CACNA2D3: variants seen among roughly 807,000 people sequenced by gnomAD.
The protein encoded by CACNA2D3 is calcium voltage-gated channel auxiliary subunit alpha2delta 3.
Under a neutral mutation model 160.6 loss-of-function variants are expected in CACNA2D3, and 60 were observed. That is an observed-to-expected ratio of 0.37 (90% confidence interval 0.30 to 0.46). The LOEUF (loss-of-function observed/expected upper bound fraction) is 0.46, where lower values mean the gene tolerates loss of function less well. Ranked by LOEUF, CACNA2D3 falls within the 20% of genes least tolerant of loss-of-function variation. The pLI is 1.00. For synonymous variants in CACNA2D3, 558 were observed against 492.9 expected, an observed-to-expected ratio of 1.13 and a Z score of -1.75; for missense variants, 1,205 against 1,365.0, an observed-to-expected ratio of 0.88 and a Z score of 1.85.
chr3:54,259,628 G>A (rs1702367817), intron 2 of CACNA2D3, among the ~76,000 whole-genome samples: 1 of 152,142 alleles, frequency 6.6e-6, no homozygotes, highest in South Asian at 2.1e-4. Flanking sequence ...GGACTCATGA[G>A]GCTCATACCA....
intron 6 of CACNA2D3, among the ~76,000 whole-genome samples, chr3:54,564,844 G>A (rs1702383997): frequency 6.6e-6 from 1 of 152,208 alleles, no homozygotes; most frequent in South Asian, 2.1e-4. Context: ...GCTCCAGCAA[G>A]AAGCACACTT....
At chr3:54,939,510 G>A (rs1701409209) in intron 27 of CACNA2D3, among the ~76,000 whole-genome samples, 1 of 152,230 alleles carries the variant, frequency 6.6e-6, no homozygotes, top group Admixed American at 6.5e-5. Flanking sequence ...CAGGGAGGCA[G>A]GGCCACAGGG....
At chr3:55,024,511 TATAAA>T (rs1432197566) in intron 35 of CACNA2D3, among the ~76,000 whole-genome samples, 1 of 152,090 alleles carries the variant, frequency 6.6e-6, no homozygotes, top group Non-Finnish European at 1.5e-5. Context: ...TTAGTGCCCT[TATAAA>T]ATAAGTTTGA....
chr3:55,045,144 G>A (rs2107196644), intron 35 of CACNA2D3, among the ~76,000 whole-genome samples: 1 of 152,240 alleles, frequency 6.6e-6, no homozygotes, highest in South Asian at 2.1e-4. Flanking sequence ...CGCCTCTCAG[G>A]TTCAAGTGAT....
At chr3:54,337,936 G>A (rs1704424579) in intron 3 of CACNA2D3, among the ~76,000 whole-genome samples, 2 of 152,042 alleles carry the variant, frequency 1.3e-5, no homozygotes, top group Non-Finnish European at 2.9e-5. Context: ...CCCCTTTTTG[G>A]TTATTAAGAC....
rs111948950 is a variant in CACNA2D3 at position 54,217,782 on chromosome 3, A to G, written c.204+94188A>G. Among the ~76,000 whole-genome samples, 328 of 152,240 alleles carry G rather than the reference A, an allele frequency of 2.2e-3. 2 individuals carry two copies. The highest frequency in any genetic ancestry group is 7.5e-3 in the African/African-American group (310 of 41,526). On this transcript the variant is annotated intron_variant, in intron 2 of 37. Coordinates refer to ENST00000474759, the MANE Select transcript of CACNA2D3 (RefSeq NM_018398.3). The stretch of plus-strand genomic sequence containing the variant: ...GCATGGCCCTCAGAACTGGGAGAGA[A>G]TAAGTTTCTGTTGTTTTATGTCAAC...
At chr3:54,371,944 C>T (rs1333748422) in intron 3 of CACNA2D3, among the ~76,000 whole-genome samples, 2 of 152,184 alleles carry the variant, frequency 1.3e-5, no homozygotes, top group African/African-American at 4.8e-5. Flanking sequence ...TATTTGTCTA[C>T]TATAGAAATG....
chr3:54,334,734 G>A (rs976319648), intron 3 of CACNA2D3, among the ~76,000 whole-genome samples: 1 of 152,182 alleles, frequency 6.6e-6, no homozygotes, highest in Admixed American at 6.5e-5. Context: ...GATCAAATGA[G>A]CAAACATGGG....
chr3:54,633,584 C>T (rs181347894), intron 10 of CACNA2D3: 1 of 149,932 alleles, frequency 6.7e-6, no homozygotes, highest in Admixed American at 6.6e-5. Flanking sequence ...CCAGGTTCCT[C>T]ACAGGAAGAG....
intron 10 of CACNA2D3, among the ~76,000 whole-genome samples, chr3:54,633,194 T>C (rs1443602288): frequency 6.6e-6 from 1 of 152,162 alleles, no homozygotes; most frequent in East Asian, 1.9e-4. Flanking sequence ...TTTGGAGCCC[T>C]ACCACCTATC....
intron 27 of CACNA2D3, chr3:54,928,021 T>G: frequency 5.1e-6 from 5 of 984,676 alleles, no homozygotes; most frequent in Non-Finnish European, 8.0e-6. Flanking sequence ...CATTCAGTCT[T>G]TCTGAACCCT....
At chr3:54,594,187 G>C (rs1210636527) in intron 9 of CACNA2D3, among the ~76,000 whole-genome samples, 1 of 152,066 alleles carries the variant, frequency 6.6e-6, no homozygotes. Flanking sequence ...AAATTTTTTT[G>C]TTAAGGGCCT....
chr3:54,402,183 G>T (rs377596491), intron 4 of CACNA2D3, among the ~76,000 whole-genome samples: 9 of 151,942 alleles, frequency 5.9e-5, no homozygotes, highest in Admixed American at 3.9e-4. Flanking sequence ...AAACTTACTA[G>T]ATTACAAAGA....
chr3:54,935,044 G>A (rs894998599), intron 27 of CACNA2D3, among the ~76,000 whole-genome samples: 4 of 152,138 alleles, frequency 2.6e-5, no homozygotes, highest in African/African-American at 9.7e-5. Flanking sequence ...AAGTCTGGAG[G>A]GTGCTATTTA....
intron 11 of CACNA2D3, among the ~76,000 whole-genome samples, chr3:54,674,533 C>T (rs1700207543): frequency 1.3e-5 from 2 of 152,138 alleles, no homozygotes; most frequent in African/African-American, 4.8e-5. Flanking sequence ...GACTGGCCAA[C>T]AGGGTTGTGT....
chr3:54,237,438 T>C (rs1701901297), intron 2 of CACNA2D3, among the ~76,000 whole-genome samples: 1 of 152,178 alleles, frequency 6.6e-6, no homozygotes, highest in Non-Finnish European at 1.5e-5. Flanking sequence ...AAAATTAGTA[T>C]TGTGTATTTC....
chr3:54,437,721 C>G (rs778373303), intron 4 of CACNA2D3, among the ~76,000 whole-genome samples: 5 of 152,212 alleles, frequency 3.3e-5, no homozygotes, highest in Non-Finnish European at 7.3e-5. Context: ...CACTTTTTTA[C>G]CATCTTCCTT....
At chr3:54,928,445 G>A (rs1270570173) in intron 27 of CACNA2D3, among the ~76,000 whole-genome samples, 1 of 152,130 alleles carries the variant, frequency 6.6e-6, no homozygotes, top group African/African-American at 2.4e-5. Flanking sequence ...TCACCTGGGG[G>A]TCGAGCAGCA....
In CACNA2D3 at chr3:54,363,933, C is replaced by T. The variant is rs985741301; in HGVS notation, c.322-22782C>T. On this transcript the variant is annotated intron_variant, in intron 3 of 37. Transcript: ENST00000474759. ...CCATCACCGATGGCTGCCCTTACTT[C>T]AGATATCCCACAGAGACTGATGGAC... 2.6e-5 allele frequency among the ~76,000 whole-genome samples: 4 copies of T among 152,300 alleles called. No homozygotes were observed. The East Asian group carries it at 7.7e-4, about 29-fold the overall frequency.
Sources: gnomAD v4.1 joint callset for allele counts (sites outside exome capture counted in the v4.1 genomes callset) on GRCh38, gnomAD v4.1.1 for gene constraint, MANE v1.5 for transcripts, NCBI Gene and HGNC (gene_info 2026-07-23, HGNC 2026-07-21) for gene names.